CHI3L2: variants seen among roughly 807,000 people sequenced by gnomAD.
The protein encoded by CHI3L2 is chitinase-3-like protein 2.
In CHI3L2, 47 loss-of-function variants were observed where a neutral mutation model predicts 47.3. That is an observed-to-expected ratio of 0.99 (90% CI 0.79 to 1.27). The LOEUF (loss-of-function observed/expected upper bound fraction) is 1.27, where lower values mean the gene tolerates loss of function less well. Among genes scored for constraint, CHI3L2 ranks in the 50% most tolerant of loss-of-function variants. The pLI is 0.00. For synonymous variants in CHI3L2, 198 were observed against 169.9 expected, an observed-to-expected ratio of 1.17 and a Z score of -1.28; for missense variants, 497 against 462.1, an observed-to-expected ratio of 1.08 and a Z score of -0.69.
intron 1 of CHI3L2, among the ~76,000 whole-genome samples, chr1:111,229,541 G>C (rs1350104471): frequency 6.7e-6 from 1 of 149,914 alleles, no homozygotes; most frequent in South Asian, 2.1e-4. Flanking sequence ...AATTAGCCGG[G>C]CGTAGTGGCG....
intron 2 of CHI3L2, 114 bp downstream of exon 2, chr1:111,229,995 T>A: frequency 8.7e-7 from 1 of 1,145,178 alleles, no homozygotes; most frequent in Non-Finnish European, 1.3e-6. Flanking sequence ...TCTCTCCGGT[T>A]CTGCCACTGA....
At chr1:111,229,725 C>A in intron 1 of CHI3L2, 127 bp from the exon 2 acceptor site, 6 of 1,142,890 alleles carry the variant, frequency 5.2e-6, no homozygotes, top group East Asian at 3.3e-5. Flanking sequence ...GCAGCTGTGG[C>A]TGGGGAGCCC....
intron 9 of CHI3L2, 105 bp from the exon 10 acceptor site, chr1:111,242,122 C>T: frequency 4.2e-6 from 6 of 1,435,668 alleles, no homozygotes; most frequent in Non-Finnish European, 5.8e-6. Flanking sequence ...ACCAGTTAGT[C>T]TACTGCTGTA....
chr1:111,242,962 G>A (rs1204315739), intron 10 of CHI3L2, among the ~76,000 whole-genome samples: 1 of 152,186 alleles, frequency 6.6e-6, no homozygotes, highest in Non-Finnish European at 1.5e-5. Flanking sequence ...GAAGGCTGTT[G>A]CTGACCAAAC....
rs1157108542 is a variant in CHI3L2 at position 111,236,147 on chromosome 1, C to A, written c.729C>A (p.Tyr243Ter). Residue 243 changes from tyrosine (Y) to a stop codon, truncating the protein, a stop_gained, in exon 7 of 11, where the codon TAC becomes TAA. Coordinates refer to ENST00000369748, the MANE Select transcript of CHI3L2 (RefSeq NM_004000.3). LOFTEE classifies it high-confidence loss of function. ...AGGACAGAGGGCCAAGCTCCTACTA[C>A]AATGTGGTGAGTAGGCCAGGGGAAC... ...GWQDRGPSSY[Y>*]NVEYAVGYWI... 1.9e-6 allele frequency: 3 copies of A among 1,614,084 alleles called. No individual in the cohort carries two copies. The highest frequency in any genetic ancestry group is 8.5e-7 in the Non-Finnish European group (1 of 1,179,990).
intron 1 of CHI3L2, among the ~76,000 whole-genome samples, chr1:111,228,010 G>C (rs901346642): frequency 7.9e-5 from 12 of 152,180 alleles, no homozygotes; most frequent in African/African-American, 2.9e-4. Context: ...TTTGTGCAGA[G>C]GTCCTTCTTG....
rs1571228234 is a variant in CHI3L2 at position 111,236,172 on chromosome 1, C to T, written c.735+19C>T. The T allele has an allele frequency of 6.2e-7, 1 of 1,613,546 alleles. No homozygotes were observed. Among genetic ancestry groups the T allele is most frequent in the Non-Finnish European group, 8.5e-7 (1 of 1,179,648 alleles). On this transcript the variant is annotated intron_variant, in intron 7 of 10. Coordinates refer to ENST00000369748, the MANE Select transcript of CHI3L2 (RefSeq NM_004000.3). Reference sequence around the variant, plus strand: ...CAATGTGGTGAGTAGGCCAGGGGAACCGCAGGGGTACTGGCTGTGGGGGTG... The same window carrying T: ...CAATGTGGTGAGTAGGCCAGGGGAATCGCAGGGGTACTGGCTGTGGGGGTG...
Position 111,231,160 on chromosome 1 carries a change from A to G in CHI3L2, c.273-78A>G, listed in dbSNP as rs1659706281. On this transcript the variant is annotated intron_variant, in intron 3 of 10. Coordinates refer to ENST00000369748, the MANE Select transcript of CHI3L2 (RefSeq NM_004000.3). Reference sequence around the variant, plus strand: ...GGCCCTAATTGTCCATTTTCTCTACACTTAAGAACTCTGTTCTTTAGACAA... The same window carrying G: ...GGCCCTAATTGTCCATTTTCTCTACGCTTAAGAACTCTGTTCTTTAGACAA... The G allele has an allele frequency of 1.2e-5, 15 of 1,273,178 alleles. No individual in the cohort carries two copies. The Middle Eastern group carries it at 1.1e-3, about 94-fold the overall frequency. The allele number at this position is 1,273,178 out of a possible 1,614,324, so 78.9% of individuals were successfully genotyped here.
chr1:111,238,962 C>T (rs1659968380), intron 8 of CHI3L2, 30 bp downstream of exon 8: 1 of 1,541,940 alleles, frequency 6.5e-7, no homozygotes, highest in South Asian at 1.3e-5. Context: ...ACCCTCAGCT[C>T]CCTGCCATGT....
intron 4 of CHI3L2, 177 bp downstream of exon 4, chr1:111,231,471 T>C (rs555811753): frequency 3.6e-6 from 2 of 562,536 alleles, no homozygotes; most frequent in Admixed American, 3.4e-5. Context: ...TTTCCTGGGG[T>C]CTTTGAAGGA....
intron 5 of CHI3L2, 55 bp downstream of exon 5, chr1:111,235,112 C>T (rs1659840964): frequency 6.4e-7 from 1 of 1,568,524 alleles, no homozygotes; most frequent in Non-Finnish European, 8.7e-7. Context: ...GTACTCAGTA[C>T]TCTGATATCC....
intron 7 of CHI3L2, among the ~76,000 whole-genome samples, chr1:111,237,343 A>C (rs1659914730): frequency 6.6e-6 from 1 of 152,264 alleles, no homozygotes; most frequent in Non-Finnish European, 1.5e-5. Flanking sequence ...GGTTAGAAGC[A>C]AGATGGAGTC....
In CHI3L2 at chr1:111,236,073, G is replaced by A. The variant is rs1389625143; in HGVS notation, c.655G>A (p.Glu219Lys). 18 of 1,614,178 alleles carry A rather than the reference G, an allele frequency of 1.1e-5. No homozygotes were observed. The highest frequency in any genetic ancestry group is 1.4e-5 in the Non-Finnish European group (17 of 1,180,030). The change falls in exon 7 of 11, where the codon GAA becomes AAA. Residue 219 changes from glutamate to lysine, a missense_variant. Transcript: ENST00000369748. ...GTCCTTTGACTTCCATGGGTCTTGG[G>A]AAAAGCCCCTTATCACTGGCCACAA... ...LLSFDFHGSW[E>K]KPLITGHNSP...
intron 4 of CHI3L2, among the ~76,000 whole-genome samples, chr1:111,232,707 T>C (rs1385392780): frequency 2.6e-5 from 4 of 152,232 alleles, no homozygotes; most frequent in Non-Finnish European, 5.9e-5. Flanking sequence ...TGCCAGGTGC[T>C]GTGCAGAATA....
chr1:111,236,089 C>G lies in CHI3L2; in HGVS notation c.671C>G (p.Thr224Ser), dbSNP rs748021571. 2.0e-5 allele frequency: 32 copies of G among 1,614,104 alleles called. No individual in the cohort carries two copies. The change falls in exon 7 of 11, where the codon ACT becomes AGT. Residue 224 changes from threonine to serine, a missense_variant. Thr to Ser is a moderately conservative substitution (Grantham distance 58). Coordinates refer to ENST00000369748, the MANE Select transcript of CHI3L2 (RefSeq NM_004000.3). ...FHGSWEKPLI[T>S]GHNSPLSKGW... ...GGGTCTTGGGAAAAGCCCCTTATCA[C>G]TGGCCACAACAGCCCTCTGAGCAAG...
intron 7 of CHI3L2, among the ~76,000 whole-genome samples, chr1:111,236,693 C>G (rs1659898178): frequency 6.6e-6 from 1 of 151,934 alleles, no homozygotes; most frequent in African/African-American, 2.4e-5. Flanking sequence ...TGTTCTGGAA[C>G]ATAACTTATC....
In CHI3L2 at chr1:111,241,392, C is replaced by T; in HGVS notation, c.984C>T (p.Val328=). The T allele has an allele frequency of 6.2e-7, 1 of 1,610,396 alleles. No individual in the cohort carries two copies. The highest frequency in any genetic ancestry group is 8.5e-7 in the Non-Finnish European group (1 of 1,176,580). The stretch of plus-strand genomic sequence containing the variant: ...AGGATCAGCAGGTTCCCTACGCAGT[C>T]AAGGGGAACCAGTGGGTGGGCTATG... ...RLQDQQVPYA[V]KGNQWVGYDD... is the part of the protein sequence containing the mutation. Residue 328 remains valine (V), a synonymous_variant, in exon 9 of 11, where the codon GTC becomes GTT. Transcript: ENST00000369748.
At position 111,230,790 on chromosome 1, in the gene CHI3L2, G is replaced by A. The variant is rs757716048; in HGVS notation, c.119G>A (p.Arg40Gln). The A allele has an allele frequency of 1.5e-5, 25 of 1,613,960 alleles. No individual in the cohort carries two copies. The East Asian group carries it at 1.8e-4, about 12-fold the overall frequency. Residue 40 changes from arginine to glutamine, a missense_variant, in exon 3 of 11, where the codon CGG (arginine) becomes CAG (glutamine). Coordinates refer to ENST00000369748, the MANE Select transcript of CHI3L2 (RefSeq NM_004000.3). ...TACTTTACCAACTGGTCCCAGGACC[G>A]GCAGGAACCAGGAAAATTCACCCCT... ...VCYFTNWSQD[R>Q]QEPGKFTPEN...
At chr1:111,239,358 T>A (rs1021693778) in intron 8 of CHI3L2, 1 of 161,086 alleles carries the variant, frequency 6.2e-6, no homozygotes, top group Non-Finnish European at 1.3e-5. Flanking sequence ...GACATACAGA[T>A]AACAGGTGAG....
Sources: allele counts gnomAD v4.1 joint callset (sites outside exome capture counted in the v4.1 genomes callset), GRCh38; gene constraint gnomAD v4.1.1; transcripts MANE v1.5; gene names NCBI Gene and HGNC (gene_info 2026-07-23, HGNC 2026-07-21).